PMM2: variants seen among roughly 807,000 people sequenced by gnomAD.
PMM2 encodes mannose-6-phosphate isomerase.
In PMM2, 35 loss-of-function variants were observed where a neutral mutation model predicts 33.2. The observed-to-expected ratio is 1.06, with a 90% confidence interval of 0.81 to 1.40. PMM2 has a LOEUF of 1.40. PMM2 is among the 40% of genes most tolerant of loss of function. The pLI, the probability that PMM2 is intolerant of heterozygous loss-of-function variation, is 0.00. For missense variants in PMM2, 386 were observed against 306.0 expected (o/e 1.26, Z -1.95); for synonymous variants, 153 against 114.7 (o/e 1.33, Z -2.13).
chr16:8,831,354 A>C (rs1445860230), intron 7 of PMM2, among the ~76,000 whole-genome samples: 1 of 152,108 alleles, frequency 6.6e-6, no homozygotes, highest in East Asian at 1.9e-4. Flanking sequence ...AATACTTGTT[A>C]AACAACCAAA....
intron 4 of PMM2, chr16:8,809,776 A>G (rs1374722415): frequency 1.4e-5 from 2 of 147,096 alleles, no homozygotes; most frequent in African/African-American, 2.4e-5. Flanking sequence ...GAAACCGTGG[A>G]AAAAAACTCT....
chr16:8,828,974 C>G (rs1322256656), intron 7 of PMM2, among the ~76,000 whole-genome samples: 2 of 152,102 alleles, frequency 1.3e-5, no homozygotes, highest in African/African-American at 4.8e-5. Flanking sequence ...GTGCCTTTGT[C>G]TTTGTTTTTC....
intron 2 of PMM2, among the ~76,000 whole-genome samples, chr16:8,803,106 C>T (rs145012631): frequency 4.8e-4 from 73 of 152,294 alleles, no homozygotes; most frequent in African/African-American, 1.7e-3. Flanking sequence ...TGTCTCCAGA[C>T]ATTGCCAAAT....
chr16:8,827,826 TTA>T (rs1459225571), intron 7 of PMM2, among the ~76,000 whole-genome samples: 62 of 101,290 alleles, frequency 6.1e-4, no homozygotes, highest in Admixed American at 2.7e-3. Flanking sequence ...ATAATATATA[TTA>T]TATATATTGT....
rs185239237 is a variant in PMM2, at chr16:8,813,473, G to A, written c.639+367G>A. Among the ~76,000 whole-genome samples the A allele has an allele frequency of 8.5e-3, 1,291 of 152,074 alleles. 15 individuals carry two copies. The highest frequency in any genetic ancestry group is 0.029 in the African/African-American group (1,197 of 41,378). On this transcript the variant is annotated intron_variant, in intron 7 of 7. Coordinates refer to ENST00000268261, the MANE Select transcript of PMM2 (RefSeq NM_000303.3). ...ATTTTTCCACTGTATTTGTCCACCC[G>A]AGGCATTCATTCTAAGTTGAACACG...
intron 7 of PMM2, among the ~76,000 whole-genome samples, chr16:8,825,341 T>C (rs1347636470): frequency 1.3e-5 from 2 of 152,064 alleles, no homozygotes; most frequent in Non-Finnish European, 2.9e-5. Context: ...TGTTGTAGTT[T>C]TGAGACGGAG....
intron 1 of PMM2, among the ~76,000 whole-genome samples, chr16:8,798,746 C>A (rs1369474578): frequency 6.6e-6 from 1 of 152,106 alleles, no homozygotes; most frequent in Non-Finnish European, 1.5e-5. Flanking sequence ...CTCTCCTGGC[C>A]CCTTTTCAGA....
At chr16:8,841,502 T>C (rs1442561277) in intron 7 of PMM2, among the ~76,000 whole-genome samples, 2 of 136,550 alleles carry the variant, frequency 1.5e-5, no homozygotes, top group East Asian at 4.3e-4. Flanking sequence ...GGGGCCTGAA[T>C]AATCCCTGAG....
At chr16:8,816,578 CT>C (rs145989062) in intron 7 of PMM2, among the ~76,000 whole-genome samples, 36,352 of 151,488 alleles carry the variant, frequency 0.24, 4,570 homozygotes, top group South Asian at 0.33. Flanking sequence ...CCCGTCTCTA[CT>C]AAAAATACAA....
intron 7 of PMM2, among the ~76,000 whole-genome samples, chr16:8,838,963 G>C (rs1324298424): frequency 6.6e-6 from 1 of 151,976 alleles, no homozygotes; most frequent in African/African-American, 2.4e-5. Flanking sequence ...GACAACTGCA[G>C]CTAAAGAGTC....
intron 7 of PMM2, among the ~76,000 whole-genome samples, chr16:8,818,573 T>C (rs2060720391): frequency 6.6e-6 from 1 of 152,194 alleles, no homozygotes; most frequent in South Asian, 2.1e-4. Context: ...GATCCTGAGC[T>C]GAGGCTGTCA....
chr16:8,831,756 C>T (rs529531743), intron 7 of PMM2, among the ~76,000 whole-genome samples: 1 of 152,354 alleles, frequency 6.6e-6, no homozygotes, highest in East Asian at 1.9e-4. Context: ...CATCAGCCCC[C>T]TGGCATCTGA....
intron 7 of PMM2, among the ~76,000 whole-genome samples, chr16:8,843,618 T>C (rs886411704): frequency 3.3e-5 from 5 of 152,132 alleles, no homozygotes; most frequent in African/African-American, 1.2e-4. Context: ...TCTTGTGTGC[T>C]GGAGATGTGG....
At chr16:8,814,029 G>T (rs966995926) in intron 7 of PMM2, among the ~76,000 whole-genome samples, 1 of 151,864 alleles carries the variant, frequency 6.6e-6, no homozygotes, top group Non-Finnish European at 1.5e-5. Context: ...ACCACACCTG[G>T]CTGATTTTTG....
chr16:8,842,016 G>A (rs1418632656), intron 7 of PMM2, among the ~76,000 whole-genome samples: 4 of 151,030 alleles, frequency 2.6e-5, no homozygotes, highest in Non-Finnish European at 2.9e-5. Context: ...GCCGCTGCAC[G>A]CAGACATGAG....
At chr16:8,832,286 G>A in intron 7 of PMM2, 7 of 985,462 alleles carry the variant, frequency 7.1e-6, no homozygotes, top group Non-Finnish European at 8.4e-6. Context: ...GAGCCGTGCG[G>A]CTCTCTGAAA....
chr16:8,832,568 T>C lies in PMM2; in HGVS notation c.640-15156T>C, dbSNP rs931594871. The C allele has an allele frequency of 5.1e-6, 5 of 985,254 alleles. No homozygotes were observed. The African/African-American group carries it at 8.7e-5, about 17-fold the overall frequency. The allele number at this position is 985,254 out of a possible 1,614,324, so 61.0% of individuals were successfully genotyped here. On this transcript the variant is annotated intron_variant, in intron 7 of 7. Transcript: ENST00000268261. ...ACTGTCAGGGGACTAGCATAAACCC[T>C]TTTTGCTTCAGGGGTCTCTTCCCAG...
intron 7 of PMM2, among the ~76,000 whole-genome samples, chr16:8,827,482 G>A (rs1011875375): frequency 6.7e-6 from 1 of 149,998 alleles, no homozygotes; most frequent in African/African-American, 2.5e-5. Flanking sequence ...TGCAGCCTCT[G>A]CCTCCCGGGT....
chr16:8,847,870 G>C lies in PMM2; in HGVS notation c.*45G>C. The C allele has an allele frequency of 6.8e-7, 1 of 1,463,150 alleles. No individual in the cohort carries two copies. The highest frequency in any genetic ancestry group is 1.4e-5 in the African/African-American group (1 of 72,216). 90.6% of individuals were successfully genotyped at this position (1,463,150 alleles called of 1,614,324 possible). On this transcript the variant is annotated 3_prime_UTR_variant, in exon 8 of 8. Transcript: ENST00000268261. Reference sequence around the variant, plus strand: ...GGGTCCCGGCTGACAAGCCAGCATAGGGCATTCGGTGGCCAGAGCCGAGGG... The same window carrying C: ...GGGTCCCGGCTGACAAGCCAGCATACGGCATTCGGTGGCCAGAGCCGAGGG...
Sources: gnomAD v4.1 joint callset for allele counts (sites outside exome capture counted in the v4.1 genomes callset) on GRCh38, gnomAD v4.1.1 for gene constraint, MANE v1.5 for transcripts, NCBI Gene and HGNC (gene_info 2026-07-23, HGNC 2026-07-21) for gene names.